PRR12: variants seen among roughly 807,000 people sequenced by gnomAD.
The protein encoded by PRR12 is proline-rich protein 12.
A neutral mutation model predicts 138.0 loss-of-function variants in PRR12; 12 were observed. The ratio of observed to expected loss-of-function variants is 0.09; its 90% CI spans 0.06 to 0.14. The LOEUF is 0.14. Ranked by LOEUF, PRR12 falls within the 10% of genes least tolerant of loss-of-function variation. The pLI is 1.00. For synonymous variants in PRR12, 1,567 were observed against 1,291.7 expected (o/e 1.21, Z -4.57); for missense variants, 2,692 against 2,861.3 (o/e 0.94, Z 1.35).
chr19:49,593,475 C>T (rs751684383), intron 2 of PRR12, 36 bp downstream of exon 2: 18 of 940,760 alleles, frequency 1.9e-5, no homozygotes, highest in South Asian at 4.2e-5. Context: ...TGGGCTGGCC[C>T]TCCCCCTCCC....
In PRR12 at chr19:49,597,265, G is replaced by T; in HGVS notation, c.2930G>T (p.Gly977Val). The stretch of plus-strand genomic sequence containing the variant: ...GAGGACGAGGGGGACCCCAAGGCTG[G>T]CGCTGGGCCACCCCCCGGCCCCCCT... ...PPEDEGDPKA[G>V]AGPPPGPPAY... The change falls in exon 4 of 14, where the codon GGC (glycine) becomes GTC (valine). Residue 977 changes from glycine (G) to valine (V), a missense_variant. Gly to Val is a moderately radical substitution (Grantham distance 109). Around this residue, in one of 11 missense-constraint regions of PRR12, gnomAD observed 840 missense variants for 689.8 expected, o/e 1.22. Coordinates refer to ENST00000418929, the MANE Select transcript of PRR12 (RefSeq NM_020719.3). The surrounding 1 kb of genome is among the most constrained non-coding windows in gnomAD (Gnocchi z 6.3). 6.4e-7 allele frequency: 1 copy of T among 1,571,556 alleles called. No individual in the cohort carries two copies.
At chr19:49,612,812 G>C (rs146044454) in intron 6 of PRR12, among the ~76,000 whole-genome samples, 1 of 151,806 alleles carries the variant, frequency 6.6e-6, no homozygotes, top group African/African-American at 2.4e-5. Context: ...GTACAGGCAC[G>C]CACTACCACA....
rs72175242 is a variant in PRR12 at position 49,607,361 on chromosome 19, G to GCACACA, written c.4773+5458_4773+5463dup. Among the ~76,000 whole-genome samples the GCACACA allele has an allele frequency of 7.4e-3, 1,096 of 147,846 alleles. 21 individuals are homozygous for GCACACA. Among genetic ancestry groups the GCACACA allele is most frequent in the African/African-American group, 0.026 (1,032 of 39,370 alleles). ...GAGTGAGCCTCTGTCATGTACGTGT[G>GCACACA]CACACACACACACACACACAGAGTT... On this transcript the variant is annotated intron_variant, in intron 6 of 13. Coordinates refer to ENST00000418929, the MANE Select transcript of PRR12 (RefSeq NM_020719.3).
At chr19:49,607,876 G>A (rs1048679360) in intron 6 of PRR12, among the ~76,000 whole-genome samples, 7 of 151,656 alleles carry the variant, frequency 4.6e-5, no homozygotes, top group Admixed American at 6.6e-5. Context: ...AAAATTAGCC[G>A]GGCGTGGGGG....
intron 9 of PRR12, among the ~76,000 whole-genome samples, chr19:49,619,052 G>GTC: frequency 6.6e-6 from 1 of 151,954 alleles, no homozygotes; most frequent in Admixed American, 6.6e-5. Context: ...CTCCCATCTC[G>GTC]TCCCTCAGCC....
At chr19:49,609,846 T>G (rs1302104634) in intron 6 of PRR12, among the ~76,000 whole-genome samples, 2 of 152,182 alleles carry the variant, frequency 1.3e-5, no homozygotes, top group Non-Finnish European at 2.9e-5. Context: ...CATTAGGCTC[T>G]GTGCCGTTTA....
chr19:49,625,285 C>T lies in PRR12; in HGVS notation c.5964+85C>T, dbSNP rs1421471946. On this transcript the variant is annotated intron_variant, in intron 13 of 13. Coordinates refer to ENST00000418929, the MANE Select transcript of PRR12 (RefSeq NM_020719.3). This position sits in a 1 kb window ranked among gnomAD's most constrained non-coding sequence, Gnocchi z 5.5. ...GGATCTGAGGGTCCAAGCCCAGCCCCATCCTGCCTCAGACCCAAGAGTTCA... is the reference window on the plus strand; with the variant it reads ...GGATCTGAGGGTCCAAGCCCAGCCCTATCCTGCCTCAGACCCAAGAGTTCA... The T allele has an allele frequency of 8.0e-6, 12 of 1,505,976 alleles. No individual in the cohort carries two copies. Among genetic ancestry groups the T allele is most frequent in the South Asian group, 5.8e-5 (5 of 86,418 alleles). The allele number at this position is 1,505,976 out of a possible 1,614,324, so 93.3% of individuals were successfully genotyped here.
Position 49,615,841 on chromosome 19 carries a change from G to A in PRR12, c.5119G>A (p.Glu1707Lys). 1.2e-6 allele frequency: 2 copies of A among 1,610,352 alleles called. No homozygotes were observed. Among genetic ancestry groups the A allele is most frequent in the Non-Finnish European group, 1.7e-6 (2 of 1,178,422 alleles). ...PAPPPKPETP[E>K]KTTSEKPPEQ... ...ACCACCTCCCAAGCCTGAGACCCCT[G>A]AAAAGACGACATCTGAGAAGCCCCC... The change falls in exon 9 of 14, where the codon GAA becomes AAA. Residue 1707 changes from glutamate (E) to lysine (K), a missense_variant. Physicochemically the swap from Glu to Lys is moderately conservative, Grantham distance 56. Transcript: ENST00000418929.
Position 49,597,605 on chromosome 19 carries a change from C to T in PRR12, c.3270C>T (p.Thr1090=), listed in dbSNP as rs756666931. ...LLRRRDPPFQ[T]PKKLYAQEYE... ...GGCGCCGCGACCCACCCTTCCAGAC[C>T]CCCAAGAAGCTGTACGCCCAGGAGT... Residue 1090 remains threonine (T), a synonymous_variant, in exon 4 of 14, where the codon ACC becomes ACT. Transcript: ENST00000418929. The surrounding 1 kb of genome is among the most constrained non-coding windows in gnomAD (Gnocchi z 6.3). The T allele has an allele frequency of 1.6e-5, 25 of 1,609,840 alleles. No individual in the cohort carries two copies. Among genetic ancestry groups the T allele is most frequent in the Admixed American group, 5.0e-5 (3 of 59,710 alleles).
At chr19:49,609,691 T>C (rs914430884) in intron 6 of PRR12, among the ~76,000 whole-genome samples, 4 of 148,894 alleles carry the variant, frequency 2.7e-5, no homozygotes, top group Admixed American at 6.7e-5. Context: ...GGCCCTGTGG[T>C]GAGGGAAAGC....
At chr19:49,600,574 G>A (rs1482202664) in intron 5 of PRR12, among the ~76,000 whole-genome samples, 1 of 151,884 alleles carries the variant, frequency 6.6e-6, no homozygotes, top group Non-Finnish European at 1.5e-5. Flanking sequence ...GATCGCTTGA[G>A]CCCAGGAGGT....
At position 49,597,480 on chromosome 19, in the gene PRR12, C is replaced by T. The variant is rs1306683680; in HGVS notation, c.3145C>T (p.Pro1049Ser). 1.3e-6 allele frequency: 2 copies of T among 1,546,290 alleles called. No homozygotes were observed. Among genetic ancestry groups the T allele is most frequent in the South Asian group, 1.2e-5 (1 of 84,100 alleles). ...PPPPPPPPPP[P>S]APASEPKGGL... Reference sequence around the variant, plus strand: ...ACCCCCGCCTCCGCCACCGCCGCCTCCCGCGCCGGCCTCCGAACCCAAGGG... The same window carrying T: ...ACCCCCGCCTCCGCCACCGCCGCCTTCCGCGCCGGCCTCCGAACCCAAGGG... The change falls in exon 4 of 14, where the codon CCC becomes TCC. Residue 1049 changes from proline to serine, a missense_variant. Pro to Ser is a moderately conservative substitution (Grantham distance 74, BLOSUM62 -1). Transcript: ENST00000418929. This position sits in a 1 kb window ranked among gnomAD's most constrained non-coding sequence, Gnocchi z 6.3.
At chr19:49,602,964 G>A (rs930889428) in intron 6 of PRR12, among the ~76,000 whole-genome samples, 6 of 152,226 alleles carry the variant, frequency 3.9e-5, no homozygotes, top group Admixed American at 1.3e-4. Flanking sequence ...TGGCCCCTAG[G>A]CCAAATCCAG....
rs1054673822 is a variant in PRR12 at position 49,616,965 on chromosome 19, C to A, written c.5497+746C>A. 6.6e-6 allele frequency among the ~76,000 whole-genome samples: 1 copy of A among 151,964 alleles called. No individual in the cohort carries two copies. The highest frequency in any genetic ancestry group is 2.4e-5 in the African/African-American group (1 of 41,374). On this transcript the variant is annotated intron_variant, in intron 9 of 13. Transcript: ENST00000418929. This position sits in a 1 kb window ranked among gnomAD's most constrained non-coding sequence, Gnocchi z 4.2. ...CCAACATGGTGAAATCCCGGCTTTACTAAAAAATACAAAAATTAGCCCAGC... is the reference window on the plus strand; with the variant it reads ...CCAACATGGTGAAATCCCGGCTTTAATAAAAAATACAAAAATTAGCCCAGC...
At position 49,595,025 on chromosome 19, in the gene PRR12, C is replaced by T. The variant is rs769480686; in HGVS notation, c.690C>T (p.Gly230=). ...CCCAGACCCCCCCTTACCGCCCTGG[C>T]CCCCCAGACCCACCACCACCTCCTC... The part of the protein sequence containing the change: ...GPAQTPPYRP[G]PPDPPPPPRH... The change falls in exon 4 of 14, where the codon GGC becomes GGT. Residue 230 remains glycine (G), a synonymous_variant. Transcript: ENST00000418929. 6.3e-7 allele frequency: 1 copy of T among 1,590,062 alleles called. No individual in the cohort carries two copies. Among genetic ancestry groups the T allele is most frequent in the Non-Finnish European group, 8.6e-7 (1 of 1,164,960 alleles).
chr19:49,597,478 C>G lies in PRR12; in HGVS notation c.3143C>G (p.Pro1048Arg), dbSNP rs916932419. Reference protein sequence around the residue: ...APPPPPPPPPPPAPASEPKGG... With the variant: ...APPPPPPPPPRPAPASEPKGG... ...CCACCCCCGCCTCCGCCACCGCCGC[C>G]TCCCGCGCCGGCCTCCGAACCCAAG... is the stretch of plus-strand genomic sequence containing the variant. Residue 1048 changes from proline to arginine, a missense_variant, in exon 4 of 14, where the codon CCT becomes CGT. By Grantham distance (103) the Pro-to-Arg change is moderately radical. Transcript: ENST00000418929. This position sits in a 1 kb window ranked among gnomAD's most constrained non-coding sequence, Gnocchi z 6.3. The G allele has an allele frequency of 6.5e-7, 1 of 1,545,852 alleles. No individual in the cohort carries two copies. The highest frequency in any genetic ancestry group is 1.4e-5 in the African/African-American group (1 of 73,030).
In PRR12 at chr19:49,595,439, A is replaced by C; in HGVS notation, c.1104A>C (p.Ala368=). 7.1e-7 allele frequency: 1 copy of C among 1,415,278 alleles called. No homozygotes were observed. The highest frequency in any genetic ancestry group is 9.7e-7 in the Non-Finnish European group (1 of 1,026,644). The allele number at this position is 1,415,278 out of a possible 1,614,324, so 87.7% of individuals were successfully genotyped here. ...ASGRATGPEA[A]GGGGAGGGGG... ...GCCGGGCCACGGGCCCTGAGGCAGC[A>C]GGGGGCGGTGGGGCTGGGGGTGGTG... Residue 368 remains alanine, a synonymous_variant, in exon 4 of 14, where the codon GCA becomes GCC. Coordinates refer to ENST00000418929, the MANE Select transcript of PRR12 (RefSeq NM_020719.3).
Position 49,595,761 on chromosome 19 carries a change from T to A in PRR12, c.1426T>A (p.Ser476Thr). Residue 476 changes from serine (S) to threonine (T), a missense_variant, in exon 4 of 14, where the codon TCA becomes ACA. Ser to Thr is a moderately conservative substitution (Grantham distance 58). Around this residue, in one of 11 missense-constraint regions of PRR12, gnomAD observed 523 missense variants for 496.4 expected, o/e 1.05. Coordinates refer to ENST00000418929, the MANE Select transcript of PRR12 (RefSeq NM_020719.3). Reference sequence around the variant, plus strand: ...GGACTTGAGCAAAGCCCCCAGCTACTCAGGGGGCCCCCCACAGCCCCCCAG... The same window carrying A: ...GGACTTGAGCAAAGCCCCCAGCTACACAGGGGGCCCCCCACAGCCCCCCAG... The part of the protein sequence containing the change: ...AQDLSKAPSY[S>T]GGPPQPPSGP... The A allele has an allele frequency of 1.9e-6, 3 of 1,601,890 alleles. No homozygotes were observed. The highest frequency in any genetic ancestry group is 2.6e-6 in the Non-Finnish European group (3 of 1,174,892).
Position 49,595,801 on chromosome 19 carries a change from C to T in PRR12, c.1466C>T (p.Pro489Leu), listed in dbSNP as rs972125950. ...PPQPPSGPPP[P>L]GLATCQSYSP... The stretch of plus-strand genomic sequence containing the variant: ...CAGCCCCCCAGCGGCCCCCCTCCTC[C>T]TGGCCTGGCCACATGTCAGAGCTAC... The change falls in exon 4 of 14, where the codon CCT becomes CTT. Residue 489 changes from proline to leucine, a missense_variant. By Grantham distance (98) the Pro-to-Leu change is moderately conservative. Around this residue, in one of 11 missense-constraint regions of PRR12, gnomAD observed 523 missense variants for 496.4 expected, o/e 1.05. Transcript: ENST00000418929. 2.1e-5 allele frequency: 33 copies of T among 1,598,374 alleles called. No individual in the cohort carries two copies. The highest frequency in any genetic ancestry group is 2.6e-5 in the Non-Finnish European group (31 of 1,174,956).
Sources: allele counts gnomAD v4.1 joint callset (sites outside exome capture counted in the v4.1 genomes callset), GRCh38; gene constraint gnomAD v4.1.1; regional missense constraint gnomAD v4.1.1; non-coding constraint Gnocchi (gnomAD v3.1); transcripts MANE v1.5; gene names NCBI Gene and HGNC (gene_info 2026-07-23, HGNC 2026-07-21).